Variants in CD247 observed in about 807,000 individuals in gnomAD.
CD247 encodes the protein T-cell surface glycoprotein CD3 zeta chain.
CD247 carries 13 observed loss-of-function variants against 30.0 expected under a neutral mutation model. The ratio of observed to expected loss-of-function variants is 0.43; its 90% confidence interval spans 0.28 to 0.69. The LOEUF is 0.69. CD247 is among the 30% of genes least tolerant of loss of function. The pLI is 0.16. For synonymous variants in CD247, 72 were observed against 80.0 expected, an observed-to-expected ratio of 0.90 and a Z score of 0.53; for missense variants, 193 against 212.6, an observed-to-expected ratio of 0.91 and a Z score of 0.57.
intron 3 of CD247, 71 bp downstream of exon 3, chr1:167,439,273 G>T: frequency 7.2e-7 from 1 of 1,386,056 alleles, no homozygotes; most frequent in Non-Finnish European, 1.0e-6. Flanking sequence ...AGACTCTGGC[G>T]GGCGCGTTCC....
chr1:167,500,633 G>A (rs767162072), intron 1 of CD247, among the ~76,000 whole-genome samples: 18 of 152,110 alleles, frequency 1.2e-4, no homozygotes, highest in Non-Finnish European at 2.5e-4. Context: ...TTATTTTGAG[G>A]ACAAATGAGC....
intron 1 of CD247, among the ~76,000 whole-genome samples, chr1:167,443,532 C>A (rs1249418756): frequency 6.6e-6 from 1 of 152,154 alleles, no homozygotes; most frequent in African/African-American, 2.4e-5. Flanking sequence ...CTGGTTGAGA[C>A]TCAGAAGAAA....
intron 1 of CD247, among the ~76,000 whole-genome samples, chr1:167,446,582 A>G (rs1652088449): frequency 6.6e-6 from 1 of 152,188 alleles, no homozygotes; most frequent in Non-Finnish European, 1.5e-5. Flanking sequence ...AAGGAGTGAC[A>G]GCAGGGGATG....
At chr1:167,460,325 C>T (rs143864303) in intron 1 of CD247, among the ~76,000 whole-genome samples, 2 of 152,180 alleles carry the variant, frequency 1.3e-5, no homozygotes, top group African/African-American at 4.8e-5. Flanking sequence ...TCACCTGAGC[C>T]CGAGGAGGTC....
intron 1 of CD247, among the ~76,000 whole-genome samples, chr1:167,498,497 C>G (rs1222245810): frequency 1.3e-5 from 2 of 152,228 alleles, no homozygotes; most frequent in African/African-American, 4.8e-5. Flanking sequence ...CTCAGACACT[C>G]TATTTGGCCT....
At chr1:167,433,262 A>G (rs1042328127) in intron 6 of CD247, among the ~76,000 whole-genome samples, 1 of 152,154 alleles carries the variant, frequency 6.6e-6, no homozygotes, top group African/African-American at 2.4e-5. Flanking sequence ...CCTGGCCATG[A>G]TGGGGCTTGG....
Position 167,431,034 on chromosome 1 carries a change from C to G in CD247, c.*647G>C, listed in dbSNP as rs1255957527. On this transcript the variant is annotated 3_prime_UTR_variant, in exon 8 of 8. Transcript: ENST00000362089. ...GGCCCCTGTAGCACATGGTACAGTT[C>G]AATGGTGCGGCACAGAGGCCTGAGG... 2.4e-6 allele frequency: 1 copy of G among 414,370 alleles called. No individual in the cohort carries two copies. Among genetic ancestry groups the G allele is most frequent in the African/African-American group, 2.0e-5 (1 of 48,904 alleles). The allele number at this position is 414,370 out of a possible 1,614,324, so 25.7% of individuals were successfully genotyped here.
intron 1 of CD247, among the ~76,000 whole-genome samples, chr1:167,470,504 TAAAAAAAAA>T (rs55679205): frequency 1.1e-4 from 14 of 122,496 alleles, no homozygotes; most frequent in African/African-American, 4.4e-4. Context: ...ATGTTAATTG[TAAAAAAAAA>T]AAAAAAAAAA....
chr1:167,503,769 G>C (rs1481541371), intron 1 of CD247, among the ~76,000 whole-genome samples: 1 of 152,174 alleles, frequency 6.6e-6, no homozygotes, highest in Non-Finnish European at 1.5e-5. Context: ...CAGGAACCAT[G>C]GGGCCAGGTG....
intron 1 of CD247, among the ~76,000 whole-genome samples, chr1:167,458,312 G>T (rs1652808513): frequency 6.6e-6 from 1 of 152,242 alleles, no homozygotes; most frequent in South Asian, 2.1e-4. Flanking sequence ...AGGAATGAGT[G>T]GGATTGGGAT....
chr1:167,514,496 C>T (rs1012467228), intron 1 of CD247, among the ~76,000 whole-genome samples: 3 of 152,124 alleles, frequency 2.0e-5, no homozygotes, highest in African/African-American at 4.8e-5. Context: ...GTGACAGGGG[C>T]GTCTTTGTTT....
At chr1:167,464,839 T>C (rs1323937893) in intron 1 of CD247, among the ~76,000 whole-genome samples, 1 of 152,098 alleles carries the variant, frequency 6.6e-6, no homozygotes, top group Non-Finnish European at 1.5e-5. Context: ...GAAAGAAGAA[T>C]AGAAGTACAG....
Position 167,494,828 on chromosome 1 carries a change from C to T in CD247, c.58+23580G>A, listed in dbSNP as rs1488807773. On this transcript the variant is annotated intron_variant, in intron 1 of 7. Transcript: ENST00000362089. The surrounding 1 kb of genome is among the most constrained non-coding windows in gnomAD (Gnocchi z 7.3). ...AATTATTACCTCAGATCACATACGC[C>T]TTGGATTTCAGAGCTGGAAAGAGGG... Among the ~76,000 whole-genome samples the T allele has an allele frequency of 6.6e-6, 1 of 152,142 alleles. No individual in the cohort carries two copies. The highest frequency in any genetic ancestry group is 1.9e-4 in the East Asian group (1 of 5,184).
chr1:167,433,143 G>C, intron 6 of CD247, 84 bp from the exon 7 acceptor site: 1 of 1,402,754 alleles, frequency 7.1e-7, no homozygotes, highest in Non-Finnish European at 1.0e-6. Context: ...CCCCTCCCAA[G>C]GTACCCAGGA....
chr1:167,465,489 G>C (rs1044599594), intron 1 of CD247, among the ~76,000 whole-genome samples: 1 of 151,918 alleles, frequency 6.6e-6, no homozygotes, highest in Non-Finnish European at 1.5e-5. Flanking sequence ...CATCATGCCT[G>C]GCTAATTTTT....
intron 1 of CD247, among the ~76,000 whole-genome samples, chr1:167,463,853 T>G (rs1653127946): frequency 6.6e-6 from 1 of 152,216 alleles, no homozygotes; most frequent in African/African-American, 2.4e-5. Context: ...GTGAGTACCG[T>G]GTCCTACGAA....
rs992297917 is a variant in CD247, at chr1:167,494,897, G to A, written c.58+23511C>T. 4.6e-5 allele frequency among the ~76,000 whole-genome samples: 7 copies of A among 152,290 alleles called. No individual in the cohort carries two copies. In the East Asian group the frequency reaches 5.8e-4, roughly 13 times the overall value. On this transcript the variant is annotated intron_variant, in intron 1 of 7. Transcript: ENST00000362089. The surrounding 1 kb of genome is among the most constrained non-coding windows in gnomAD (Gnocchi z 7.3). ...ACTTTACTCTACAGCAAAGCAGTCC[G>A]GGTTCCAGAGAGCCCAGGTGACTTG...
Position 167,439,357 on chromosome 1 carries a change from T to C in CD247, c.206A>G (p.Asn69Ser). 6 of 1,614,118 alleles carry C rather than the reference T, an allele frequency of 3.7e-6. No homozygotes were observed. The highest frequency in any genetic ancestry group is 5.1e-6 in the Non-Finnish European group (6 of 1,179,956). Residue 69 changes from asparagine to serine, a missense_variant, in exon 3 of 8, where the codon AAC (asparagine) becomes AGC (serine). Coordinates refer to ENST00000362089, the MANE Select transcript of CD247 (RefSeq NM_198053.3). The stretch of plus-strand genomic sequence containing the variant: ...AGGCTGACTTACGTTATAGAGCTGG[T>C]TCTGGCCCTGCTGGTACGCGGGGGC... Reference protein sequence around the residue: ...ADAPAYQQGQNQLYNELNLGR... With the variant: ...ADAPAYQQGQSQLYNELNLGR...
chr1:167,471,947 C>T (rs1308510460), intron 1 of CD247, among the ~76,000 whole-genome samples: 1 of 151,620 alleles, frequency 6.6e-6, no homozygotes, highest in Non-Finnish European at 1.5e-5. Context: ...ATTCTCCTGC[C>T]TCAGCCTCCT....
Sources: gnomAD v4.1 joint callset for allele counts (sites outside exome capture counted in the v4.1 genomes callset) on GRCh38, gnomAD v4.1.1 for gene constraint, Gnocchi (gnomAD v3.1) non-coding constraint, MANE v1.5 for transcripts, NCBI Gene and HGNC (gene_info 2026-07-23, HGNC 2026-07-21) for gene names.